DPY19L3: variants seen among roughly 807,000 people sequenced by gnomAD.
The protein encoded by DPY19L3 is dpy-19 like C-mannosyltransferase 3, also known as protein C-mannosyl-transferase DPY19L3.
DPY19L3 carries 51 observed loss-of-function variants against 92.3 expected under a neutral mutation model. That is an observed-to-expected ratio of 0.55 (90% confidence interval 0.44 to 0.70). The LOEUF is 0.70. DPY19L3 is among the 30% of genes least tolerant of loss of function. The pLI is 0.00. For synonymous variants in DPY19L3, 309 were observed against 315.2 expected (o/e 0.98, Z 0.21); for missense variants, 706 against 855.9 (o/e 0.82, Z 2.18).
intron 12 of DPY19L3, among the ~76,000 whole-genome samples, chr19:32,461,024 C>T (rs1198198536): frequency 6.6e-6 from 1 of 152,146 alleles, no homozygotes; most frequent in Non-Finnish European, 1.5e-5. Flanking sequence ...CACAACCACC[C>T]CTAGCTAATT....
chr19:32,451,944 C>G (rs1321662919), intron 8 of DPY19L3, among the ~76,000 whole-genome samples: 1 of 152,070 alleles, frequency 6.6e-6, no homozygotes, highest in Non-Finnish European at 1.5e-5. Flanking sequence ...AAGTGATCCT[C>G]CCACCTCAGC....
At chr19:32,419,221 C>T (rs898650587) in intron 3 of DPY19L3, among the ~76,000 whole-genome samples, 8 of 144,310 alleles carry the variant, frequency 5.5e-5, no homozygotes, top group African/African-American at 1.0e-4. Flanking sequence ...AGTGCAGTGG[C>T]GCGATCTCGG....
chr19:32,480,990 C>T (rs991413712), intron 18 of DPY19L3: 11 of 394,892 alleles, frequency 2.8e-5, no homozygotes, highest in East Asian at 1.5e-4. Flanking sequence ...CCCCCTACCC[C>T]TCCTGCCCTC....
intron 8 of DPY19L3, among the ~76,000 whole-genome samples, chr19:32,447,190 C>T (rs889116158): frequency 1.3e-5 from 2 of 152,034 alleles, no homozygotes; most frequent in African/African-American, 4.8e-5. Context: ...GAGCATTGAA[C>T]TCAATGAAAA....
Position 32,408,267 on chromosome 19 carries a change from G to A in DPY19L3, c.14G>A (p.Arg5Gln), listed in dbSNP as rs771268985. The A allele has an allele frequency of 7.4e-6, 12 of 1,612,346 alleles. No individual in the cohort carries two copies. The highest frequency in any genetic ancestry group is 1.3e-5 in the African/African-American group (1 of 74,818). The change falls in exon 2 of 19, where the codon CGG (arginine) becomes CAG (glutamine). Residue 5 changes from arginine (R) to glutamine (Q), a missense_variant. Arg to Gln is a conservative substitution (Grantham distance 43). Transcript: ENST00000392250. Reference protein sequence around the residue: MMSIRQRREIRATEV... With the variant: MMSIQQRREIRATEV... ...AAGTCTGACATCATGATGTCCATCC[G>A]GCAAAGAAGAGAAATAAGAGCCACA...
At position 32,463,988 on chromosome 19, in the gene DPY19L3, TCATCCCTTTTTC is replaced by T. The variant is rs1970124929; in HGVS notation, c.1557+13_1557+24del. The T allele has an allele frequency of 6.3e-7, 1 of 1,578,052 alleles. No homozygotes were observed. The highest frequency in any genetic ancestry group is 1.3e-5 in the African/African-American group (1 of 74,198). The stretch of plus-strand genomic sequence containing the variant: ...CTTTATAACCCAAAGAGGGTCAGTG[TCATCCCTTTTTC>T]CATCTCCTTTTATGACTTGCAGTAT... On this transcript the variant is annotated intron_variant, in intron 14 of 18. Coordinates refer to ENST00000392250, the MANE Select transcript of DPY19L3 (RefSeq NM_001172774.2).
chr19:32,480,303 G>A (rs1970633479), intron 17 of DPY19L3, 96 bp from the exon 18 acceptor site: 3 of 1,395,152 alleles, frequency 2.2e-6, no homozygotes, highest in African/African-American at 2.9e-5. Context: ...TGGGTGTTAG[G>A]TCTTAGACTC....
chr19:32,447,568 T>C (rs186712479), intron 8 of DPY19L3, among the ~76,000 whole-genome samples: 2 of 151,864 alleles, frequency 1.3e-5, no homozygotes, highest in East Asian at 1.9e-4. Flanking sequence ...AATAGAAAAA[T>C]TAGCTGACCG....
Position 32,485,646 on chromosome 19 carries a change from A to C in DPY19L3, c.*3406A>C, listed in dbSNP as rs935143430. On this transcript the variant is annotated 3_prime_UTR_variant, in exon 19 of 19. Transcript: ENST00000392250. ...TTAATTCAAATCTCAAAATCAATTA[A>C]GTATTCTCAGATCCTATATCTTGGT... is the stretch of plus-strand genomic sequence containing the variant. The C allele has an allele frequency of 1.4e-4, 21 of 152,354 alleles. No homozygotes were observed. Among genetic ancestry groups the C allele is most frequent in the African/African-American group, 5.1e-4 (21 of 41,578 alleles). 9.4% of individuals were successfully genotyped at this position (152,354 alleles called of 1,614,324 possible).
chr19:32,480,904 C>T, intron 18 of DPY19L3: 1 of 437,210 alleles, frequency 2.3e-6, no homozygotes. Context: ...CCCACTGCTC[C>T]AACGCTTCGT....
chr19:32,469,493 C>CT (rs200506743), intron 16 of DPY19L3, among the ~76,000 whole-genome samples: 2,527 of 144,688 alleles, frequency 0.017, 31 homozygotes, highest in Middle Eastern at 0.071. Context: ...AAGACTCTCT[C>CT]TAAAAAAAAA....
intron 2 of DPY19L3, among the ~76,000 whole-genome samples, chr19:32,408,795 C>CT (rs879308053): frequency 3.1e-3 from 425 of 137,236 alleles, no homozygotes; most frequent in Middle Eastern, 7.6e-3. Context: ...TTTTCTTTTG[C>CT]TTTTTTTTTT....
chr19:32,477,402 C>T, intron 16 of DPY19L3, 120 bp from the exon 17 acceptor site: 1 of 1,322,546 alleles, frequency 7.6e-7, no homozygotes, highest in Non-Finnish European at 1.0e-6. Context: ...GTTTTTTTTC[C>T]CTGACTCGTA....
chr19:32,454,876 C>A, intron 9 of DPY19L3, 63 bp from the exon 10 acceptor site: 1 of 1,080,098 alleles, frequency 9.3e-7, no homozygotes, highest in Non-Finnish European at 1.4e-6. Context: ...GTAAGCTCAT[C>A]TTCAGTGTTT....
At chr19:32,460,379 C>CT (rs1969999587) in intron 12 of DPY19L3, among the ~76,000 whole-genome samples, 1 of 152,172 alleles carries the variant, frequency 6.6e-6, no homozygotes, top group South Asian at 2.1e-4. Context: ...CCATTGCACT[C>CT]TACCCTGGGT....
In DPY19L3 at chr19:32,445,085, A is replaced by C. The variant is rs554920396; in HGVS notation, c.855+5175A>C. ...AGCAAGACCCAGTCTCAAAAAAAAAAAAAAAAACAAAAAACAATGGAGGCC... is the reference window on the plus strand; with the variant it reads ...AGCAAGACCCAGTCTCAAAAAAAAACAAAAAAACAAAAAACAATGGAGGCC... On this transcript the variant is annotated intron_variant, in intron 8 of 18. Coordinates refer to ENST00000392250, the MANE Select transcript of DPY19L3 (RefSeq NM_001172774.2). Among the ~76,000 whole-genome samples the C allele has an allele frequency of 9.2e-5, 14 of 151,484 alleles. No individual in the cohort carries two copies. In the East Asian group the frequency reaches 9.7e-4, roughly 10 times the overall value.
At chr19:32,439,695 T>A (rs1214832730) in intron 7 of DPY19L3, 81 bp from the exon 8 acceptor site, 1 of 1,435,110 alleles carries the variant, frequency 7.0e-7, no homozygotes, top group Admixed American at 2.0e-5. Flanking sequence ...ATAGAGATAC[T>A]GGCTGCTCTT....
At chr19:32,406,156 G>C (rs571675582) in intron 1 of DPY19L3, 1 of 151,746 alleles carries the variant, frequency 6.6e-6, no homozygotes, top group Non-Finnish European at 1.5e-5. Context: ...CTCGTCGGCC[G>C]TGCGGCGAGG....
At chr19:32,411,106 C>G in intron 2 of DPY19L3, 133 bp from the exon 3 acceptor site, 2 of 854,604 alleles carry the variant, frequency 2.3e-6, no homozygotes, top group Non-Finnish European at 3.6e-6. Flanking sequence ...AGAAAGGACC[C>G]TCCGCTGGAG....
Sources: allele counts gnomAD v4.1 joint callset (sites outside exome capture counted in the v4.1 genomes callset), GRCh38; gene constraint gnomAD v4.1.1; transcripts MANE v1.5; gene names NCBI Gene and HGNC (gene_info 2026-07-23, HGNC 2026-07-21).